ELAPOR2: variants seen among roughly 807,000 people sequenced by gnomAD.
ELAPOR2 encodes endosome-lysosome associated apoptosis and autophagy regulator family member 2.
A neutral mutation model predicts 120.7 loss-of-function variants in ELAPOR2; 89 were observed. That is an observed-to-expected ratio of 0.74 (90% CI 0.62 to 0.88). The LOEUF is 0.88. Among genes scored for constraint, ELAPOR2 ranks in the 40% least tolerant of loss-of-function variants. The pLI is 0.00. For synonymous variants in ELAPOR2, 444 were observed against 444.9 expected (o/e 1.00, Z 0.03); for missense variants, 1,134 against 1,251.6 (o/e 0.91, Z 1.42).
At chr7:87,031,205 T>C (rs143213912) in intron 1 of ELAPOR2, among the ~76,000 whole-genome samples, 46 of 152,318 alleles carry the variant, frequency 3.0e-4, no homozygotes, top group Admixed American at 5.9e-4. Context: ...GTTCTAGAAC[T>C]TTTTTCTTGC....
chr7:86,966,111 A>T (rs1791893062), intron 1 of ELAPOR2: 1 of 225,492 alleles, frequency 4.4e-6, no homozygotes, highest in African/African-American at 2.3e-5. Flanking sequence ...TCTCATAATT[A>T]CTATAAGCAA....
chr7:86,950,013 C>A (rs576645492), intron 2 of ELAPOR2, among the ~76,000 whole-genome samples: 29 of 152,326 alleles, frequency 1.9e-4, no homozygotes, highest in African/African-American at 6.5e-4. Flanking sequence ...TTTTTCCCCC[C>A]AGACTGCCCA....
intron 2 of ELAPOR2, among the ~76,000 whole-genome samples, chr7:86,954,151 G>T (rs977053378): frequency 4.6e-5 from 7 of 152,012 alleles, no homozygotes; most frequent in African/African-American, 9.7e-5. Flanking sequence ...TCCCTCCTAG[G>T]ACTGCTTATA....
At chr7:86,934,505 G>A (rs976885017) in intron 8 of ELAPOR2, among the ~76,000 whole-genome samples, 3 of 151,896 alleles carry the variant, frequency 2.0e-5, no homozygotes, top group Non-Finnish European at 4.4e-5. Flanking sequence ...GACTGTTCAG[G>A]AGTATCAGCC....
chr7:86,974,458 A>G (rs754075895), intron 1 of ELAPOR2, among the ~76,000 whole-genome samples: 2 of 152,194 alleles, frequency 1.3e-5, no homozygotes, highest in Non-Finnish European at 2.9e-5. Context: ...TAGGGTACAC[A>G]CATAATAAGA....
chr7:86,899,486 A>T (rs1788614706), intron 18 of ELAPOR2, among the ~76,000 whole-genome samples: 1 of 152,134 alleles, frequency 6.6e-6, no homozygotes, highest in African/African-American at 2.4e-5. Context: ...AGGGAAATTT[A>T]AAAAACACTC....
At chr7:87,041,381 T>G (rs932218252) in intron 1 of ELAPOR2, among the ~76,000 whole-genome samples, 2 of 152,038 alleles carry the variant, frequency 1.3e-5, no homozygotes, top group Non-Finnish European at 2.9e-5. Context: ...TGGTTACCCT[T>G]AAAGGGAAGC....
chr7:87,013,996 T>C (rs1176523860), intron 1 of ELAPOR2, among the ~76,000 whole-genome samples: 1 of 151,900 alleles, frequency 6.6e-6, no homozygotes, highest in Non-Finnish European at 1.5e-5. Context: ...TGAGTGTCCT[T>C]TTCCCAGTAT....
intron 2 of ELAPOR2, among the ~76,000 whole-genome samples, chr7:86,961,959 C>G (rs1791728116): frequency 6.6e-6 from 1 of 152,068 alleles, no homozygotes; most frequent in South Asian, 2.1e-4. Context: ...GATGAGTTCT[C>G]CACAGCAGAG....
chr7:87,055,573 C>A (rs528092656), intron 1 of ELAPOR2, among the ~76,000 whole-genome samples: 1 of 152,092 alleles, frequency 6.6e-6, no homozygotes, highest in Non-Finnish European at 1.5e-5. Flanking sequence ...GTCTTTCCCC[C>A]AAACTAGCCT....
At chr7:87,018,227 G>A (rs1188133460) in intron 1 of ELAPOR2, among the ~76,000 whole-genome samples, 5 of 151,892 alleles carry the variant, frequency 3.3e-5, no homozygotes. Flanking sequence ...TTTTAGTAGA[G>A]ACAGGATTTC....
chr7:86,940,141 T>C, intron 5 of ELAPOR2, 26 bp from the exon 6 acceptor site: 3 of 1,456,558 alleles, frequency 2.1e-6, no homozygotes, highest in Non-Finnish European at 2.9e-6. Context: ...TAAAGGCACT[T>C]AGGGCAGATA....
Position 86,918,531 on chromosome 7 carries a change from T to G in ELAPOR2, c.1504A>C (p.Met502Leu). Residue 502 changes from methionine to leucine, a missense_variant, in exon 12 of 22, where the codon ATG (methionine) becomes CTG (leucine). Transcript: ENST00000450689. ...AGTTCAGAACCCGTGGCTCCAGTCA[T>G]AGATGTTGGTGGTCTATTTGACAGA... ...HIPGFKPPTSMTGATGSELGR... is the reference protein window; with the variant it reads ...HIPGFKPPTSLTGATGSELGR... 6.2e-7 allele frequency: 1 copy of G among 1,607,414 alleles called. No homozygotes were observed.
chr7:87,022,788 GT>G (rs1288432096), intron 1 of ELAPOR2, among the ~76,000 whole-genome samples: 1 of 150,840 alleles, frequency 6.6e-6, no homozygotes, highest in Non-Finnish European at 1.5e-5. Context: ...GTGTGAGATG[GT>G]ACCTCATTGT....
chr7:86,979,556 C>T (rs764861063), intron 1 of ELAPOR2, among the ~76,000 whole-genome samples: 8 of 152,214 alleles, frequency 5.3e-5, no homozygotes, highest in Non-Finnish European at 1.2e-4. Context: ...TGATTAAGTA[C>T]ATTAATTGGC....
intron 15 of ELAPOR2, among the ~76,000 whole-genome samples, chr7:86,911,400 T>C (rs534900190): frequency 2.6e-5 from 4 of 152,234 alleles, no homozygotes; most frequent in East Asian, 3.9e-4. Context: ...ATGAAGACAA[T>C]TGAAAATATA....
At chr7:86,975,117 A>T (rs1792240471) in intron 1 of ELAPOR2, among the ~76,000 whole-genome samples, 1 of 152,262 alleles carries the variant, frequency 6.6e-6, no homozygotes, top group South Asian at 2.1e-4. Context: ...CAGACAGCAC[A>T]GTTCGCTGAC....
chr7:86,895,782 CA>C (rs1423774908), intron 19 of ELAPOR2, among the ~76,000 whole-genome samples: 1 of 152,050 alleles, frequency 6.6e-6, no homozygotes, highest in Admixed American at 6.6e-5. Context: ...TTCAGCTATT[CA>C]AAAACCCTTG....
chr7:87,027,523 C>A (rs1163922880), intron 1 of ELAPOR2, among the ~76,000 whole-genome samples: 3 of 152,152 alleles, frequency 2.0e-5, no homozygotes, highest in Non-Finnish European at 4.4e-5. Flanking sequence ...CCTAGTACCT[C>A]TGAATGTAAC....
Sources: allele counts gnomAD v4.1 joint callset (sites outside exome capture counted in the v4.1 genomes callset), GRCh38; gene constraint gnomAD v4.1.1; transcripts MANE v1.5; gene names NCBI Gene and HGNC (gene_info 2026-07-23, HGNC 2026-07-21).